Variants in NR3C1 observed in about 807,000 individuals in gnomAD.
NR3C1 encodes the protein glucocorticoid receptor.
In NR3C1, 14 loss-of-function variants were observed where a neutral mutation model predicts 74.0. That is an observed-to-expected ratio of 0.19 (90% CI 0.12 to 0.30). NR3C1 has a LOEUF of 0.30. Among genes scored for constraint, NR3C1 ranks in the 10% least tolerant of loss-of-function variants. The pLI is 1.00. For synonymous variants in NR3C1, 308 were observed against 332.5 expected (o/e 0.93, Z 0.80); for missense variants, 695 against 909.8 (o/e 0.76, Z 3.04).
chr5:143,336,176 A>C (rs755605534), intron 2 of NR3C1, among the ~76,000 whole-genome samples: 1 of 152,232 alleles, frequency 6.6e-6, no homozygotes, highest in Admixed American at 6.5e-5. Flanking sequence ...ATGATGATAT[A>C]ATCTGTGATG....
chr5:143,314,879 A>G (rs774648255), intron 2 of NR3C1, among the ~76,000 whole-genome samples: 19 of 152,212 alleles, frequency 1.2e-4, no homozygotes, highest in Admixed American at 1.3e-4. Context: ...ACAAAGCACT[A>G]GGCTTTCAAA....
rs1337124322 is a variant in NR3C1 at position 143,409,535 on chromosome 5, A to T, written c.-13-8683T>A. ...TTTATTGGTGGTTAGAACTTACTTT[A>T]AAAAATTATTCCTGCAGCTATCATA... is the stretch of plus-strand genomic sequence containing the variant. On this transcript the variant is annotated intron_variant, in intron 1 of 8. Transcript: ENST00000343796. Among the ~76,000 whole-genome samples, 3 of 152,228 alleles carry T rather than the reference A, an allele frequency of 2.0e-5. 1 individual carries two copies. Among genetic ancestry groups the T allele is most frequent in the South Asian group, 2.1e-4 (1 of 4,834 alleles).
At chr5:143,421,512 G>A (rs778555384) in intron 1 of NR3C1, among the ~76,000 whole-genome samples, 2 of 151,020 alleles carry the variant, frequency 1.3e-5, no homozygotes, top group African/African-American at 2.4e-5. Context: ...AGTTCTCATG[G>A]GTAGAGCACT....
At chr5:143,287,897 C>G (rs1489990163) in intron 7 of NR3C1, among the ~76,000 whole-genome samples, 1 of 152,150 alleles carries the variant, frequency 6.6e-6, no homozygotes, top group Non-Finnish European at 1.5e-5. Context: ...CATTCACATA[C>G]TGTATATAGC....
intron 2 of NR3C1, among the ~76,000 whole-genome samples, chr5:143,391,755 A>G (rs548844655): frequency 5.3e-4 from 80 of 152,286 alleles, no homozygotes; most frequent in African/African-American, 1.9e-3. Context: ...AAAATACAGC[A>G]GTCTTTATGA....
At chr5:143,402,730 C>A (rs1840547864) in intron 1 of NR3C1, 1 of 985,404 alleles carries the variant, frequency 1.0e-6, no homozygotes, top group African/African-American at 1.7e-5. Flanking sequence ...CTCCTCAAGC[C>A]AGGCGCCGCC....
At chr5:143,403,061 C>T (rs980788742) in intron 1 of NR3C1, 150 bp downstream of exon 1, 3 of 854,230 alleles carry the variant, frequency 3.5e-6, no homozygotes, top group Admixed American at 6.2e-5. Flanking sequence ...CTTTCGTCAC[C>T]GTCGCCCGGC....
chr5:143,319,882 C>G (rs1822977622), intron 2 of NR3C1, among the ~76,000 whole-genome samples: 1 of 151,886 alleles, frequency 6.6e-6, no homozygotes. Context: ...TGAAGCAGCC[C>G]TAAACAGTCC....
Position 143,278,992 on chromosome 5 carries a change from A to G in NR3C1, c.*2897T>C. On this transcript the variant is annotated 3_prime_UTR_variant, in exon 9 of 9. Coordinates refer to ENST00000394464, the MANE Select transcript of NR3C1 (RefSeq NM_000176.3). ...CTAAGTGCCTCAGTTCTGCTTGTAT[A>G]GTATCCCACAGAATACCTACAAACA... 4.3e-6 allele frequency: 1 copy of G among 230,560 alleles called. No homozygotes were observed. 14.3% of individuals were successfully genotyped at this position (230,560 alleles called of 1,614,324 possible). A position where few individuals can be genotyped will look rare whatever the true frequency, so the allele number is the denominator to read the frequency against.
At chr5:143,363,188 A>G (rs1018209228) in intron 2 of NR3C1, among the ~76,000 whole-genome samples, 1 of 152,188 alleles carries the variant, frequency 6.6e-6, no homozygotes, top group African/African-American at 2.4e-5. Context: ...GGTGACCACT[A>G]AACTAACAAA....
chr5:143,279,416 A>C lies in NR3C1; in HGVS notation c.*2473T>G. On this transcript the variant is annotated 3_prime_UTR_variant, in exon 9 of 9. Transcript: ENST00000394464. ...TGGTTTTAACCACATAACATTCTAT[A>C]AAGGAATGATAATCTACGTTTTAGA... is the stretch of plus-strand genomic sequence containing the variant. The C allele has an allele frequency of 2.0e-6, 3 of 1,530,052 alleles. No homozygotes were observed. The highest frequency in any genetic ancestry group is 1.8e-6 in the Non-Finnish European group (2 of 1,141,072). The allele number at this position is 1,530,052 out of a possible 1,614,324, so 94.8% of individuals were successfully genotyped here.
intron 2 of NR3C1, among the ~76,000 whole-genome samples, chr5:143,356,040 A>G (rs1397066349): frequency 6.6e-6 from 1 of 152,182 alleles, no homozygotes; most frequent in East Asian, 1.9e-4. Flanking sequence ...GAGAAAGAGG[A>G]ATTTATAAGT....
At chr5:143,373,543 A>G (rs2151861241) in intron 2 of NR3C1, among the ~76,000 whole-genome samples, 1 of 152,292 alleles carries the variant, frequency 6.6e-6, no homozygotes, top group East Asian at 1.9e-4. Context: ...GCAAACCAAC[A>G]TGGCGCATGT....
intron 1 of NR3C1, chr5:143,434,529 T>G (rs1158352345): frequency 8.1e-6 from 8 of 985,124 alleles, no homozygotes; most frequent in African/African-American, 1.7e-5. Flanking sequence ...AAATATAACC[T>G]ACCTTCCTTC....
intron 2 of NR3C1, among the ~76,000 whole-genome samples, chr5:143,343,604 C>G (rs1828658475): frequency 6.6e-6 from 1 of 152,226 alleles, no homozygotes; most frequent in Non-Finnish European, 1.5e-5. Context: ...AGTTCTCTTT[C>G]AGGCATCCCA....
At chr5:143,418,390 T>C (rs1751028794) in intron 1 of NR3C1, among the ~76,000 whole-genome samples, 3 of 152,216 alleles carry the variant, frequency 2.0e-5, no homozygotes, top group South Asian at 2.1e-4. Flanking sequence ...TTGGGCAAGT[T>C]ACTTTTCCCC....
intron 2 of NR3C1, among the ~76,000 whole-genome samples, chr5:143,391,590 G>A (rs1838223954): frequency 6.6e-6 from 1 of 151,988 alleles, no homozygotes; most frequent in Non-Finnish European, 1.5e-5. Flanking sequence ...ATATAACAAT[G>A]TGGTTGGAGT....
intron 1 of NR3C1, chr5:143,409,217 T>C (rs1159688377): frequency 1.3e-5 from 2 of 152,190 alleles, no homozygotes; most frequent in African/African-American, 4.8e-5. Context: ...AGATCGATAT[T>C]GAGTAGTGTC....
At chr5:143,411,587 A>T (rs1841294656) in intron 1 of NR3C1, among the ~76,000 whole-genome samples, 1 of 152,174 alleles carries the variant, frequency 6.6e-6, no homozygotes, top group African/African-American at 2.4e-5. Context: ...TTTTAGCTGT[A>T]GGTTGGCTAT....
Sources: gnomAD v4.1 joint callset for allele counts (sites outside exome capture counted in the v4.1 genomes callset) on GRCh38, gnomAD v4.1.1 for gene constraint, MANE v1.5 for transcripts, NCBI Gene and HGNC (gene_info 2026-07-23, HGNC 2026-07-21) for gene names.